The following CTNNA3 variants were observed in gnomAD, a reference collection of about 807,000 sequenced individuals.
CTNNA3 encodes the protein catenin alpha-3.
CTNNA3 carries 76 observed loss-of-function variants against 95.7 expected under a neutral mutation model. The observed-to-expected ratio is 0.79, with a 90% CI of 0.66 to 0.96. CTNNA3 has a LOEUF of 0.96. CTNNA3 is among the 40% of genes least tolerant of loss of function. CTNNA3 has a pLI of 0.00. For missense variants in CTNNA3, 1,191 were observed against 1,089.8 expected (o/e 1.09, Z -1.31); for synonymous variants, 431 against 374.4 (o/e 1.15, Z -1.74).
At chr10:66,254,596 T>C (rs1034856525) in intron 13 of CTNNA3, among the ~76,000 whole-genome samples, 3 of 152,198 alleles carry the variant, frequency 2.0e-5, no homozygotes, top group Admixed American at 2.0e-4. Context: ...ACCTATACTG[T>C]TGTCAATAAA....
intron 10 of CTNNA3, among the ~76,000 whole-genome samples, chr10:66,590,303 A>C (rs1046562463): frequency 1.3e-5 from 2 of 152,082 alleles, no homozygotes; most frequent in Admixed American, 1.3e-4. Context: ...TAGTGAAAGA[A>C]GACTAGAGCA....
chr10:67,658,714 G>T (rs564358370), intron 1 of CTNNA3, among the ~76,000 whole-genome samples: 1 of 152,126 alleles, frequency 6.6e-6, no homozygotes. Flanking sequence ...TATGCCCCAG[G>T]GTTAGGGCTA....
At chr10:66,262,690 A>G (rs2091041055) in intron 13 of CTNNA3, among the ~76,000 whole-genome samples, 2 of 152,194 alleles carry the variant, frequency 1.3e-5, no homozygotes, top group South Asian at 2.1e-4. Flanking sequence ...TTAGCCCTGG[A>G]AGAGAAAAAT....
chr10:66,875,125 A>G (rs1378223920), intron 7 of CTNNA3, among the ~76,000 whole-genome samples: 3 of 152,194 alleles, frequency 2.0e-5, no homozygotes, highest in African/African-American at 7.2e-5. Context: ...TAATAAGGAT[A>G]GGAAAGAATG....
At chr10:67,320,071 A>G (rs1007700653) in intron 5 of CTNNA3, among the ~76,000 whole-genome samples, 8 of 152,058 alleles carry the variant, frequency 5.3e-5, no homozygotes, top group African/African-American at 1.7e-4. Flanking sequence ...ACTTGGTAAA[A>G]ACCCTGGCTA....
At chr10:66,178,939 A>T (rs1450609541) in intron 13 of CTNNA3, among the ~76,000 whole-genome samples, 2 of 152,050 alleles carry the variant, frequency 1.3e-5, no homozygotes, top group Non-Finnish European at 2.9e-5. Context: ...TGTGTCACTC[A>T]TACATGGCTA....
At chr10:66,567,200 T>C (rs1842738557) in intron 10 of CTNNA3, among the ~76,000 whole-genome samples, 1 of 151,960 alleles carries the variant, frequency 6.6e-6, no homozygotes, top group Non-Finnish European at 1.5e-5. Flanking sequence ...CAAGGAATCA[T>C]ATGATTAGAC....
At chr10:65,954,269 G>A (rs558941457) in intron 17 of CTNNA3, among the ~76,000 whole-genome samples, 1 of 152,292 alleles carries the variant, frequency 6.6e-6, no homozygotes, top group South Asian at 2.1e-4. Flanking sequence ...TAAGTTCTTT[G>A]TAGATTCTGG....
At chr10:66,690,234 G>T (rs1406825886) in intron 9 of CTNNA3, among the ~76,000 whole-genome samples, 1 of 152,076 alleles carries the variant, frequency 6.6e-6, no homozygotes, top group Non-Finnish European at 1.5e-5. Context: ...AAGGACTTGG[G>T]TGCAGACTGA....
chr10:67,558,223 C>T (rs1841329012), intron 3 of CTNNA3, among the ~76,000 whole-genome samples: 1 of 152,136 alleles, frequency 6.6e-6, no homozygotes, highest in Admixed American at 6.5e-5. Flanking sequence ...ATCTTTCCAA[C>T]CTCTGTAGTA....
intron 7 of CTNNA3, among the ~76,000 whole-genome samples, chr10:67,142,306 A>G (rs1432967346): frequency 4.6e-5 from 7 of 152,260 alleles, no homozygotes; most frequent in Admixed American, 1.3e-4. Flanking sequence ...TCTCCTCCAC[A>G]GTTCTGTCTC....
chr10:67,669,153 A>G (rs1840385958), intron 1 of CTNNA3, among the ~76,000 whole-genome samples: 1 of 152,122 alleles, frequency 6.6e-6, no homozygotes, highest in Admixed American at 6.5e-5. Flanking sequence ...CCCCTAAATT[A>G]CAGCAGTGGG....
intron 5 of CTNNA3, among the ~76,000 whole-genome samples, chr10:67,233,074 A>G (rs2132305892): frequency 6.6e-6 from 1 of 152,306 alleles, no homozygotes; most frequent in South Asian, 2.1e-4. Context: ...AGACTTTAAC[A>G]CCCCACTGTC....
At chr10:67,385,453 C>A (rs1844116740) in intron 5 of CTNNA3, among the ~76,000 whole-genome samples, 1 of 152,196 alleles carries the variant, frequency 6.6e-6, no homozygotes, top group Non-Finnish European at 1.5e-5. Context: ...TGCCCCTAAT[C>A]TCTATTGAGA....
chr10:66,028,600 T>G (rs1034608864), intron 15 of CTNNA3, among the ~76,000 whole-genome samples: 10 of 144,462 alleles, frequency 6.9e-5, no homozygotes, highest in South Asian at 2.3e-4. Context: ...TGTTGTGGGG[T>G]GGGGGAAGGG....
intron 15 of CTNNA3, among the ~76,000 whole-genome samples, chr10:65,995,906 G>C (rs959249922): frequency 6.6e-6 from 1 of 152,162 alleles, no homozygotes; most frequent in African/African-American, 2.4e-5. Flanking sequence ...TGCCAGGCCA[G>C]ACAAGCCTGT....
chr10:66,615,948 C>T (rs1844495074), intron 10 of CTNNA3, among the ~76,000 whole-genome samples: 1 of 152,030 alleles, frequency 6.6e-6, no homozygotes, highest in Non-Finnish European at 1.5e-5. Flanking sequence ...CTACCTTTCT[C>T]AGTTTTGTGC....
intron 3 of CTNNA3, among the ~76,000 whole-genome samples, chr10:67,566,043 G>GTGTGTATATATATATATATATATATA (rs1274109672): frequency 3.7e-5 from 1 of 26,966 alleles, no homozygotes; most frequent in African/African-American, 1.7e-4. Flanking sequence ...ATGTGTGTGT[G>GTGTGTATATATATATATATATATATA]TATATATATA....
intron 7 of CTNNA3, among the ~76,000 whole-genome samples, chr10:66,805,747 T>G (rs976691395): frequency 6.6e-6 from 1 of 152,034 alleles, no homozygotes; most frequent in African/African-American, 2.4e-5. Flanking sequence ...TTCCTTTAAA[T>G]AGTCATCATC....
Sources: allele counts gnomAD v4.1 joint callset (sites outside exome capture counted in the v4.1 genomes callset), GRCh38; gene constraint gnomAD v4.1.1; transcripts MANE v1.5; gene names NCBI Gene and HGNC (gene_info 2026-07-23, HGNC 2026-07-21).